Variants in EXOC4 observed in about 807,000 individuals in gnomAD.
EXOC4 encodes the protein SEC8-like 1.
Under a neutral mutation model 107.2 loss-of-function variants are expected in EXOC4, and 71 were observed. That is an observed-to-expected ratio of 0.66 (90% CI 0.55 to 0.81). EXOC4 has a LOEUF of 0.81. EXOC4 is among the 30% of genes least tolerant of loss of function. The probability of loss-of-function intolerance (pLI) is 0.00; values close to 1 mark genes in which losing one functional copy is unlikely to be tolerated. For missense variants in EXOC4, 1,108 were observed against 1,189.6 expected (o/e 0.93, Z 1.01); for synonymous variants, 456 against 441.2 (o/e 1.03, Z -0.42).
At chr7:134,067,840 A>G (rs1796208224), downstream of EXOC4, among the ~76,000 whole-genome samples, 1 of 152,182 alleles carries the variant, frequency 6.6e-6, no homozygotes, top group South Asian at 2.1e-4. Context: ...TACCTGCTCT[A>G]TTAATACAGG....
intron 10 of EXOC4, among the ~76,000 whole-genome samples, chr7:133,690,231 T>C (rs2151076515): frequency 6.6e-6 from 1 of 152,364 alleles, no homozygotes; most frequent in East Asian, 1.9e-4. Flanking sequence ...TAGCCTCCTG[T>C]AAATTTTATT....
intron 10 of EXOC4, among the ~76,000 whole-genome samples, chr7:133,680,662 C>T (rs756647517): frequency 1.9e-4 from 29 of 152,236 alleles, no homozygotes; most frequent in Admixed American, 3.9e-4. Context: ...AGAATAATTT[C>T]GCTAGGACCT....
chr7:133,814,232 A>G (rs2151211972), intron 10 of EXOC4, among the ~76,000 whole-genome samples: 1 of 152,224 alleles, frequency 6.6e-6, no homozygotes, highest in African/African-American at 2.4e-5. Context: ...TGGGTATATA[A>G]TTGTTATATA....
Position 133,856,335 on chromosome 7 carries a change from C to T in EXOC4, c.1734+38791C>T, listed in dbSNP as rs560780127. Reference sequence around the variant, plus strand: ...AAGTGGGAAAATAATATGTGTGATGCTTTAGTGAGTTGTGAGAGAGCATCC... The same window carrying T: ...AAGTGGGAAAATAATATGTGTGATGTTTTAGTGAGTTGTGAGAGAGCATCC... On this transcript the variant is annotated intron_variant, in intron 11 of 17. Transcript: ENST00000253861. 3.3e-5 allele frequency among the ~76,000 whole-genome samples: 5 copies of T among 152,330 alleles called. No individual in the cohort carries two copies. The South Asian group carries it at 1.0e-3, about 32-fold the overall frequency.
At chr7:133,443,036 T>A (rs994624915) in intron 7 of EXOC4, among the ~76,000 whole-genome samples, 2 of 151,994 alleles carry the variant, frequency 1.3e-5, no homozygotes, top group Admixed American at 1.3e-4. Flanking sequence ...AGGACTTGGG[T>A]GTTTGTGAAG....
At chr7:134,075,592 G>A in the EXOC4 span, among the ~76,000 whole-genome samples, 4 of 152,108 alleles carry the variant, frequency 2.6e-5, no homozygotes, top group Non-Finnish European at 4.4e-5. Context: ...GGGGGAAACT[G>A]CCCCCATGAT....
At chr7:133,680,313 C>T (rs1585074429) in intron 10 of EXOC4, among the ~76,000 whole-genome samples, 2 of 152,204 alleles carry the variant, frequency 1.3e-5, no homozygotes, top group South Asian at 4.2e-4. Context: ...CTCACATTTT[C>T]TTCTAAAGTT....
At chr7:133,752,065 G>A (rs534467378) in intron 10 of EXOC4, among the ~76,000 whole-genome samples, 1 of 152,172 alleles carries the variant, frequency 6.6e-6, no homozygotes, top group East Asian at 1.9e-4. Context: ...GGAGAAAAAG[G>A]CAGGAGGATC....
chr7:133,814,487 C>T (rs1797316082), intron 10 of EXOC4, among the ~76,000 whole-genome samples: 1 of 152,112 alleles, frequency 6.6e-6, no homozygotes, highest in Non-Finnish European at 1.5e-5. Context: ...TCTATATACT[C>T]TGTATGTAGA....
At chr7:133,984,170 C>T (rs1254718524) in intron 14 of EXOC4, among the ~76,000 whole-genome samples, 1 of 152,220 alleles carries the variant, frequency 6.6e-6, no homozygotes, top group African/African-American at 2.4e-5. Flanking sequence ...TTGTTACCAT[C>T]AAGCACTGTT....
In EXOC4 at chr7:133,710,659, C is replaced by CAAA. The variant is rs778511364; in HGVS notation, c.1514+80519_1514+80520insAAA. ...TGGGCGACAGAGTGAGACTCTGTCT[C>CAAA]AGAAAAAAAAAAAAAAAAAGTTGGT... On this transcript the variant is annotated intron_variant, in intron 10 of 17. Transcript: ENST00000253861. Among the ~76,000 whole-genome samples, 6 of 32,304 alleles carry CAAA rather than the reference C, an allele frequency of 1.9e-4. 2 individuals are homozygous for CAAA. The highest frequency in any genetic ancestry group is 2.9e-4 in the Non-Finnish European group (4 of 14,006). 21.2% of individuals were successfully genotyped at this position (32,304 alleles called of 152,430 possible). A position where few individuals can be genotyped will look rare whatever the true frequency, so the allele number is the denominator to read the frequency against.
At chr7:133,504,380 C>T (rs1226876601) in intron 9 of EXOC4, among the ~76,000 whole-genome samples, 9 of 151,960 alleles carry the variant, frequency 5.9e-5, no homozygotes, top group Non-Finnish European at 1.3e-4. Flanking sequence ...TGTTTTTTCT[C>T]CTTTAATGTG....
intron 6 of EXOC4, among the ~76,000 whole-genome samples, chr7:133,365,540 C>T (rs1281597899): frequency 6.6e-6 from 1 of 152,156 alleles, no homozygotes; most frequent in East Asian, 1.9e-4. Flanking sequence ...GGCCCCACTT[C>T]AGTATTCTTG....
At chr7:133,931,034 T>A (rs1297950103) in intron 13 of EXOC4, among the ~76,000 whole-genome samples, 1 of 152,108 alleles carries the variant, frequency 6.6e-6, no homozygotes, top group African/African-American at 2.4e-5. Flanking sequence ...AACACAACCT[T>A]CAATTGTAAA....
intron 9 of EXOC4, among the ~76,000 whole-genome samples, chr7:133,568,977 C>T (rs1054809766): frequency 6.6e-6 from 1 of 152,100 alleles, no homozygotes; most frequent in African/African-American, 2.4e-5. Flanking sequence ...TGGCAGCTTT[C>T]TACTGATATT....
chr7:133,471,771 C>T (rs1798885385), intron 7 of EXOC4, among the ~76,000 whole-genome samples: 1 of 151,816 alleles, frequency 6.6e-6, no homozygotes, highest in South Asian at 2.1e-4. Flanking sequence ...GTTGCATGGC[C>T]CTATGGTGGA....
chr7:133,815,893 T>C (rs182979781), intron 10 of EXOC4, among the ~76,000 whole-genome samples: 92 of 152,378 alleles, frequency 6.0e-4, no homozygotes, highest in Non-Finnish European at 1.1e-3. Flanking sequence ...TCCAGTGTTA[T>C]CACTTTGCGG....
intron 11 of EXOC4, among the ~76,000 whole-genome samples, chr7:133,876,067 G>T (rs997006173): frequency 2.0e-5 from 3 of 152,168 alleles, no homozygotes; most frequent in Non-Finnish European, 4.4e-5. Flanking sequence ...CAGATAGGTA[G>T]GTAGGCATAT....
chr7:133,642,108 A>C (rs1379609010), intron 10 of EXOC4, among the ~76,000 whole-genome samples: 1 of 152,142 alleles, frequency 6.6e-6, no homozygotes, highest in African/African-American at 2.4e-5. Flanking sequence ...TTTAAACTGA[A>C]TTTTGGGGCA....
Sources: allele counts gnomAD v4.1 joint callset (sites outside exome capture counted in the v4.1 genomes callset), GRCh38; gene constraint gnomAD v4.1.1; transcripts MANE v1.5; gene names NCBI Gene and HGNC (gene_info 2026-07-23, HGNC 2026-07-21).